Variants in PMPCB observed in about 807,000 individuals in gnomAD.
The protein encoded by PMPCB is mitochondrial-processing peptidase subunit beta.
PMPCB carries 46 observed loss-of-function variants against 61.5 expected under a neutral mutation model. That is an observed-to-expected ratio of 0.75 (90% CI 0.59 to 0.96). The LOEUF (loss-of-function observed/expected upper bound fraction) is 0.96, where lower values mean the gene tolerates loss of function less well. Among genes scored for constraint, PMPCB ranks in the 40% least tolerant of loss-of-function variants. The probability of loss-of-function intolerance (pLI) is 0.00; values close to 1 mark genes in which losing one functional copy is unlikely to be tolerated. For synonymous variants in PMPCB, 191 were observed against 201.6 expected, an observed-to-expected ratio of 0.95 and a Z score of 0.44; for missense variants, 590 against 602.4, an observed-to-expected ratio of 0.98 and a Z score of 0.22.
chr7:103,325,201 T>C (rs536747884), intron 12 of PMPCB, among the ~76,000 whole-genome samples: 7 of 152,190 alleles, frequency 4.6e-5, no homozygotes, highest in Non-Finnish European at 7.4e-5. Flanking sequence ...CCCAGCACTT[T>C]GGGAGGCCGA....
the PMPCB span, among the ~76,000 whole-genome samples, chr7:103,343,019 G>A: frequency 6.6e-6 from 1 of 151,776 alleles, no homozygotes; most frequent in Non-Finnish European, 1.5e-5. Flanking sequence ...TATTTTTTGA[G>A]ACGGAGTTTT....
intron 6 of PMPCB, among the ~76,000 whole-genome samples, chr7:103,306,363 A>G (rs1167794527): frequency 6.7e-6 from 1 of 149,800 alleles, no homozygotes; most frequent in Non-Finnish European, 1.5e-5. Context: ...TTTAGATGAC[A>G]CTATTTTGTT....
chr7:103,311,604 A>C, intron 9 of PMPCB, 39 bp from the exon 10 acceptor site: 3 of 1,472,158 alleles, frequency 2.0e-6, no homozygotes, highest in Middle Eastern at 3.5e-4. Context: ...CATGAAATAC[A>C]ACATTTTCCA....
At chr7:103,324,610 C>A in intron 12 of PMPCB, 4 of 1,318,058 alleles carry the variant, frequency 3.0e-6, no homozygotes, top group East Asian at 2.7e-5. Context: ...AAATTATGTA[C>A]AACAGTTCAA....
At chr7:103,300,829 C>T (rs1004481994) in intron 4 of PMPCB, among the ~76,000 whole-genome samples, 5 of 152,102 alleles carry the variant, frequency 3.3e-5, no homozygotes, top group African/African-American at 1.2e-4. Context: ...GGATTATAGG[C>T]TCCTGCCACC....
intron 2 of PMPCB, 57 bp from the exon 3 acceptor site, chr7:103,299,386 C>A: frequency 9.6e-7 from 1 of 1,043,412 alleles, no homozygotes; most frequent in East Asian, 2.5e-5. Context: ...GAGACTGTTC[C>A]CCCCAACCTC....
At chr7:103,300,334 A>G in intron 4 of PMPCB, 27 bp downstream of exon 4, 1 of 1,531,978 alleles carries the variant, frequency 6.5e-7, no homozygotes, top group East Asian at 2.3e-5. Context: ...TACAGCAGAT[A>G]ATGTAATTTT....
chr7:103,309,144 G>A (rs1817669999), intron 8 of PMPCB, 49 bp downstream of exon 8: 1 of 1,452,310 alleles, frequency 6.9e-7, no homozygotes, highest in Non-Finnish European at 9.4e-7. Context: ...AGATTATCAT[G>A]TTTTCTTAAA....
the PMPCB span, among the ~76,000 whole-genome samples, chr7:103,346,819 TG>T: frequency 4.6e-4 from 1 of 2,176 alleles, no homozygotes; most frequent in African/African-American, 5.4e-4. Context: ...GGCTGAATAA[TG>T]TGTGTGTGTG....
chr7:103,331,373 T>A (rs374487449), downstream of PMPCB, among the ~76,000 whole-genome samples: 8 of 152,376 alleles, frequency 5.3e-5, no homozygotes, highest in East Asian at 1.5e-3. Flanking sequence ...CATTTCAAGT[T>A]CTGTCTTCTA....
chr7:103,345,539 G>A, the PMPCB span, among the ~76,000 whole-genome samples: 1 of 151,686 alleles, frequency 6.6e-6, no homozygotes. Flanking sequence ...AGGACCACCA[G>A]AAATTAGTAA....
Position 103,313,278 on chromosome 7 carries a change from TCA to T in PMPCB, c.*1008_*1009del. 1 of 1,340,128 alleles carries T rather than the reference TCA, an allele frequency of 7.5e-7. No individual in the cohort carries two copies. Among genetic ancestry groups the T allele is most frequent in the East Asian group, 2.8e-5 (1 of 35,358 alleles). 83.0% of individuals were successfully genotyped at this position (1,340,128 alleles called of 1,614,324 possible). Reference sequence around the variant, plus strand: ...CTGAGTGTTAATAAGAGAAAAAATTTCAGATAGCTCACATCCCAGAAAATAAA... The same window carrying T: ...CTGAGTGTTAATAAGAGAAAAAATTTGATAGCTCACATCCCAGAAAATAAA... On this transcript the variant is annotated 3_prime_UTR_variant, in exon 13 of 13. Coordinates refer to ENST00000249269, the MANE Select transcript of PMPCB (RefSeq NM_004279.3).
At chr7:103,339,063 C>T in the PMPCB span, among the ~76,000 whole-genome samples, 88 of 152,276 alleles carry the variant, frequency 5.8e-4, no homozygotes, top group Admixed American at 1.8e-3. Context: ...ACCTGTAAAA[C>T]CTAGCATTTT....
chr7:103,342,399 G>A, the PMPCB span, among the ~76,000 whole-genome samples: 3 of 151,176 alleles, frequency 2.0e-5, no homozygotes, highest in Non-Finnish European at 2.9e-5. Context: ...TCCACCTCCC[G>A]GGTTCAAGTG....
intron 7 of PMPCB, 126 bp downstream of exon 7, chr7:103,307,834 T>C (rs1001905437): frequency 1.6e-6 from 1 of 616,694 alleles, no homozygotes; most frequent in African/African-American, 1.8e-5. Context: ...GGGAAGAGGA[T>C]GTACTCATTT....
rs144744182 is a variant in PMPCB at position 103,312,062 on chromosome 7, A to C, written c.1336A>C (p.Asn446His). 2 of 1,613,458 alleles carry C rather than the reference A, an allele frequency of 1.2e-6. No individual in the cohort carries two copies. The highest frequency in any genetic ancestry group is 3.3e-5 in the Admixed American group (2 of 59,946). Residue 446 changes from asparagine (N) to histidine (H), a missense_variant, in exon 12 of 13, where the codon AAT becomes CAT. Physicochemically the swap from Asn to His is moderately conservative, Grantham distance 68. Transcript: ENST00000249269. Reference protein sequence around the residue: ...PELEARIDAVNAETIREVCTK... With the variant: ...PELEARIDAVHAETIREVCTK... ...AGTGTCTTCCATATTTCAGGCTGTG[A>C]ATGCTGAGACAATTCGAGAAGTATG...
chr7:103,305,940 C>G (rs911681184), intron 6 of PMPCB, among the ~76,000 whole-genome samples: 6 of 152,104 alleles, frequency 3.9e-5, no homozygotes, highest in African/African-American at 1.4e-4. Context: ...GGCATGTGGA[C>G]AAAATGAGTT....
chr7:103,332,994 C>G (rs1018987155), downstream of PMPCB, among the ~76,000 whole-genome samples: 1 of 152,120 alleles, frequency 6.6e-6, no homozygotes. Flanking sequence ...TTCGGGATTT[C>G]AAATTTTTTT....
chr7:103,303,654 G>A (rs1420975279), intron 4 of PMPCB, among the ~76,000 whole-genome samples, 188 bp from the exon 5 acceptor site: 2 of 152,066 alleles, frequency 1.3e-5, no homozygotes, highest in East Asian at 1.9e-4. Flanking sequence ...AAAATCTTTT[G>A]TACTATAGGG....
Sources: allele counts gnomAD v4.1 joint callset (sites outside exome capture counted in the v4.1 genomes callset), GRCh38; gene constraint gnomAD v4.1.1; transcripts MANE v1.5; gene names NCBI Gene and HGNC (gene_info 2026-07-23, HGNC 2026-07-21).